DCAF8L2: variants seen among roughly 807,000 people sequenced by gnomAD.
The protein encoded by DCAF8L2 is DDB1- and CUL4-associated factor 8-like protein 2.
For missense variants in DCAF8L2, 430 were observed against 490.7 expected (o/e 0.88, Z 1.17); for synonymous variants, 200 against 190.9 (o/e 1.05, Z -0.39).
At chrX:27,731,599 A>G (rs1301571445) in intron 4 of DCAF8L2, among the ~76,000 whole-genome samples, 11 of 110,474 alleles carry the variant, frequency 1.0e-4, no homozygotes, top group Non-Finnish European at 1.1e-4. Flanking sequence ...TTACCAAATA[A>G]GGGCTCCATC....
chrX:27,588,104 T>A (rs1925947694), upstream of DCAF8L2, among the ~76,000 whole-genome samples: 1 of 107,238 alleles, frequency 9.3e-6, no homozygotes, highest in South Asian at 4.1e-4. Flanking sequence ...GAAATACAAA[T>A]GATCCCGTCA....
chrX:27,532,046 T>C, the DCAF8L2 span, among the ~76,000 whole-genome samples: 1 of 104,234 alleles, frequency 9.6e-6, no homozygotes, highest in Admixed American at 1.0e-4. Context: ...GAGGGATGGA[T>C]AGATAAATTG....
chrX:27,694,081 C>T (rs1355155050), intron 3 of DCAF8L2, among the ~76,000 whole-genome samples: 2 of 111,636 alleles, frequency 1.8e-5, no homozygotes, highest in Admixed American at 1.9e-4. Flanking sequence ...CAGCTGGAGG[C>T]CATTATCCCA....
At position 27,646,501 on chromosome X, in the gene DCAF8L2, TG is replaced by T. The variant is rs768642081; in HGVS notation, c.-220+14504del. On this transcript the variant is annotated intron_variant, in intron 2 of 4. Coordinates refer to ENST00000451261, the MANE Select transcript of DCAF8L2 (RefSeq NM_001353450.2). The stretch of plus-strand genomic sequence containing the variant: ...GGCAATACCATGCAAAACATAGGCA[TG>T]GGCAAAGATTTTATGATGAAATCAC... Among the ~76,000 whole-genome samples the T allele has an allele frequency of 3.1e-4, 35 of 111,744 alleles. No individual in the cohort carries two copies. In the East Asian group the frequency reaches 9.9e-3, roughly 32 times the overall value.
At chrX:27,669,952 A>G (rs1348783537) in intron 2 of DCAF8L2, among the ~76,000 whole-genome samples, 1 of 111,691 alleles carries the variant, frequency 9.0e-6, no homozygotes, top group Admixed American at 9.5e-5. Context: ...ATGTGTCTTT[A>G]TAGCAGCATG....
At chrX:27,556,636 T>G in the DCAF8L2 span, among the ~76,000 whole-genome samples, 1 of 112,044 alleles carries the variant, frequency 8.9e-6, no homozygotes, top group Non-Finnish European at 1.9e-5. Context: ...GGAAGAATTC[T>G]AACTGAAGTG....
intron 3 of DCAF8L2, among the ~76,000 whole-genome samples, chrX:27,710,020 T>G (rs1261536435): frequency 9.0e-6 from 1 of 111,637 alleles, no homozygotes; most frequent in Non-Finnish European, 1.9e-5. Flanking sequence ...TTAATTTTTG[T>G]ATATGGTTTG....
chrX:27,497,549 C>CTTCTTTCTTTCTTTCTTTCT, the DCAF8L2 span, among the ~76,000 whole-genome samples: 2 of 64,439 alleles, frequency 3.1e-5, no homozygotes, highest in African/African-American at 1.8e-4. Context: ...TCCTTCCTTC[C>CTTCTTTCTTTCTTTCTTTCT]TTCTTTCTTT....
chrX:27,725,811 T>C (rs1222013946), intron 4 of DCAF8L2, among the ~76,000 whole-genome samples: 1 of 110,079 alleles, frequency 9.1e-6, no homozygotes, highest in Non-Finnish European at 1.9e-5. Context: ...GAACAAGAAA[T>C]CGGTTGCTCA....
At chrX:27,693,429 T>C (rs1034109550) in intron 3 of DCAF8L2, among the ~76,000 whole-genome samples, 4 of 111,602 alleles carry the variant, frequency 3.6e-5, no homozygotes, top group African/African-American at 1.3e-4. Flanking sequence ...ATGATTCAGG[T>C]TTTCTCACCT....
chrX:27,533,004 G>T, the DCAF8L2 span, among the ~76,000 whole-genome samples: 1 of 103,760 alleles, frequency 9.6e-6, no homozygotes, highest in African/African-American at 3.5e-5. Flanking sequence ...TTGAACCTGG[G>T]AAGCGGAGGT....
the DCAF8L2 span, among the ~76,000 whole-genome samples, chrX:27,569,441 G>T: frequency 1.8e-5 from 2 of 111,713 alleles, no homozygotes; most frequent in Non-Finnish European, 3.8e-5. Context: ...GTTCAGGCAA[G>T]AATCCAGATT....
chrX:27,663,820 C>G (rs1420042739), intron 2 of DCAF8L2, among the ~76,000 whole-genome samples: 1 of 108,435 alleles, frequency 9.2e-6, no homozygotes, highest in African/African-American at 3.4e-5. Context: ...GTCTCAGCCT[C>G]CCGAGTAGCT....
chrX:27,563,693 A>C, the DCAF8L2 span, among the ~76,000 whole-genome samples: 5 of 112,408 alleles, frequency 4.4e-5, no homozygotes, highest in Non-Finnish European at 7.5e-5. Flanking sequence ...AGGCAAATTG[A>C]ATTTTAATTT....
chrX:27,636,048 G>A (rs1467526552), intron 2 of DCAF8L2, among the ~76,000 whole-genome samples: 6 of 111,173 alleles, frequency 5.4e-5, no homozygotes, highest in African/African-American at 1.6e-4. Context: ...CCTGACCTCA[G>A]ATGATCTGCC....
intron 4 of DCAF8L2, among the ~76,000 whole-genome samples, chrX:27,724,937 G>A (rs375300077): frequency 3.6e-5 from 4 of 110,860 alleles, no homozygotes; most frequent in Middle Eastern, 4.7e-3. Context: ...TATATATTCC[G>A]TTTCTGAGAA....
the DCAF8L2 span, among the ~76,000 whole-genome samples, chrX:27,478,642 C>A: frequency 1.5e-4 from 17 of 111,900 alleles, no homozygotes; most frequent in South Asian, 6.3e-3. Context: ...ATAATCCCCT[C>A]TTTTTAAATG....
intron 2 of DCAF8L2, among the ~76,000 whole-genome samples, chrX:27,673,504 T>A (rs1465110398): frequency 1.9e-5 from 1 of 53,804 alleles, no homozygotes. Flanking sequence ...TGAGATTCCA[T>A]CTCAAAAAAA....
the DCAF8L2 span, among the ~76,000 whole-genome samples, chrX:27,585,062 T>TC: frequency 1.9e-5 from 2 of 104,402 alleles, no homozygotes; most frequent in Admixed American, 2.1e-4. Context: ...GTTTTTTTTT[T>TC]CAATTATTTG....
Sources: gnomAD v4.1 joint callset for allele counts (sites outside exome capture counted in the v4.1 genomes callset) on GRCh38, gnomAD v4.1.1 for gene constraint, MANE v1.5 for transcripts, NCBI Gene and HGNC (gene_info 2026-07-23, HGNC 2026-07-21) for gene names.